Variants in SPEG observed in about 807,000 individuals in gnomAD.
SPEG encodes the protein striated muscle enriched protein kinase, also known as striated muscle preferentially expressed protein kinase.
Under a neutral mutation model 300.4 loss-of-function variants are expected in SPEG, and 114 were observed. The observed-to-expected ratio is 0.38, with a 90% CI of 0.33 to 0.44. SPEG has a LOEUF of 0.44. Ranked by LOEUF, SPEG falls within the 20% of genes least tolerant of loss-of-function variation. The pLI is 1.00. For synonymous variants in SPEG, 1,964 were observed against 2,018.9 expected (o/e 0.97, Z 0.73); for missense variants, 4,201 against 4,586.2 (o/e 0.92, Z 2.43).
rs182214983 is a variant in SPEG at position 219,485,845 on chromosome 2, C to T, written c.7741+368C>T. Among the ~76,000 whole-genome samples, 54 of 152,288 alleles carry T rather than the reference C, an allele frequency of 3.5e-4. No homozygotes were observed. The East Asian group carries it at 5.6e-3, about 16-fold the overall frequency. On this transcript the variant is annotated intron_variant, in intron 31 of 40. Transcript: ENST00000312358. ...ACCTTCTGCAGCCAGGTCCCTGAAA[C>T]GGCTTCAGGACACCACTTACGTCTG... is the stretch of plus-strand genomic sequence containing the variant.
rs1693211407 is a variant in SPEG at position 219,484,651 on chromosome 2, C to T, written c.7188C>T (p.Asp2396=). 4 of 1,534,040 alleles carry T rather than the reference C, an allele frequency of 2.6e-6. No homozygotes were observed. The highest frequency in any genetic ancestry group is 3.5e-6 in the Non-Finnish European group (4 of 1,145,698). The change falls in exon 30 of 41, where the codon GAC becomes GAT. Residue 2396 remains aspartate, a synonymous_variant. Transcript: ENST00000312358. The part of the protein sequence containing the change: ...RRPERSRSVQ[D]LRAVGEPGLV... ...CTGAGCGCTCACGCTCGGTGCAGGA[C>T]CTCAGGGCTGTCGGAGAGCCTGGCC...
Position 219,485,008 on chromosome 2 carries a change from C to G in SPEG, c.7545C>G (p.Ala2515=), listed in dbSNP as rs1693253436. Reference sequence around the variant, plus strand: ...CGCACAACCAGTTGGCCGCCCAGGCCGGCGCCACCACGCCTTCCGCCGAGT... The same window carrying G: ...CGCACAACCAGTTGGCCGCCCAGGCGGGCGCCACCACGCCTTCCGCCGAGT... ...GLPHNQLAAQ[A]GATTPSAESL... Residue 2515 remains alanine (A), a synonymous_variant, in exon 30 of 41, where the codon GCC becomes GCG. Coordinates refer to ENST00000312358, the MANE Select transcript of SPEG (RefSeq NM_005876.5). The G allele has an allele frequency of 6.5e-7, 1 of 1,531,574 alleles. No individual in the cohort carries two copies. The highest frequency in any genetic ancestry group is 2.5e-5 in the East Asian group (1 of 40,708). 94.9% of individuals were successfully genotyped at this position (1,531,574 alleles called of 1,614,324 possible).
intron 28 of SPEG, 73 bp from the exon 29 acceptor site, chr2:219,482,711 T>G: frequency 7.2e-7 from 1 of 1,392,690 alleles, no homozygotes; most frequent in Non-Finnish European, 1.0e-6. Context: ...CCATGGACTT[T>G]GTCTCTCTGT....
Position 219,473,721 on chromosome 2 carries a change from C to A in SPEG, c.4272-7C>A. The A allele has an allele frequency of 1.2e-6, 2 of 1,612,778 alleles. No individual in the cohort carries two copies. Among genetic ancestry groups the A allele is most frequent in the African/African-American group, 2.7e-5 (2 of 75,058 alleles). On this transcript the variant is annotated splice_polypyrimidine_tract_variant and splice_region_variant and intron_variant, in intron 17 of 40. Coordinates refer to ENST00000312358, the MANE Select transcript of SPEG (RefSeq NM_005876.5). The surrounding 1 kb of genome is among the most constrained non-coding windows in gnomAD (Gnocchi z 4.6). Reference sequence around the variant, plus strand: ...TCTGGGTGACCTCCCTGTCATGTGTCCCCTAGCTGCCGAGGGGCCCTCCTA... The same window carrying A: ...TCTGGGTGACCTCCCTGTCATGTGTACCCTAGCTGCCGAGGGGCCCTCCTA...
Position 219,477,214 on chromosome 2 carries a change from G to A in SPEG, c.4561-63G>A. On this transcript the variant is annotated intron_variant, in intron 19 of 40. Transcript: ENST00000312358. The surrounding 1 kb of genome is among the most constrained non-coding windows in gnomAD (Gnocchi z 6.4). ...ATGCGCTGCCCAGAGTAGGAGATGA[G>A]GCCCTGGCCCCAAGGTAGAGATGAG... 6.9e-7 allele frequency: 1 copy of A among 1,444,342 alleles called. No homozygotes were observed. The highest frequency in any genetic ancestry group is 1.3e-5 in the South Asian group (1 of 77,944). 89.5% of individuals were successfully genotyped at this position (1,444,342 alleles called of 1,614,324 possible).
Position 219,484,094 on chromosome 2 carries a change from G to T in SPEG, c.6631G>T (p.Ala2211Ser). 6.2e-7 allele frequency: 1 copy of T among 1,613,486 alleles called. No individual in the cohort carries two copies. Among genetic ancestry groups the T allele is most frequent in the Non-Finnish European group, 8.5e-7 (1 of 1,179,906 alleles). Reference protein sequence around the residue: ...DAPQPPAPQPAQDKAPEPRPE... With the variant: ...DAPQPPAPQPSQDKAPEPRPE... ...TCCGCAGCCCCCCGCACCCCAGCCTGCCCAAGACAAGGCTCCAGAGCCCAG... is the reference window on the plus strand; with the variant it reads ...TCCGCAGCCCCCCGCACCCCAGCCTTCCCAAGACAAGGCTCCAGAGCCCAG... The change falls in exon 30 of 41, where the codon GCC becomes TCC. Residue 2211 changes from alanine to serine, a missense_variant. Physicochemically the swap from Ala to Ser is moderately conservative, Grantham distance 99. Transcript: ENST00000312358.
Position 219,479,040 on chromosome 2 carries a change from T to A in SPEG, c.5028-104T>A. ...AGTCTCTGGCTAGTATCAAGCATTCTGTAAGGGGAAGGAGAACCCCGTGCT... is the reference window on the plus strand; with the variant it reads ...AGTCTCTGGCTAGTATCAAGCATTCAGTAAGGGGAAGGAGAACCCCGTGCT... On this transcript the variant is annotated intron_variant, in intron 22 of 40. Coordinates refer to ENST00000312358, the MANE Select transcript of SPEG (RefSeq NM_005876.5). This position sits in a 1 kb window ranked among gnomAD's most constrained non-coding sequence, Gnocchi z 5.5. The A allele has an allele frequency of 2.0e-6, 2 of 982,010 alleles. No individual in the cohort carries two copies. The highest frequency in any genetic ancestry group is 2.7e-5 in the South Asian group (2 of 74,320). The allele number at this position is 982,010 out of a possible 1,614,324, so 60.8% of individuals were successfully genotyped here. A position where few individuals can be genotyped will look rare whatever the true frequency, so the allele number is the denominator to read the frequency against.
chr2:219,473,395 C>A lies in SPEG; in HGVS notation c.4148-109C>A. Reference sequence around the variant, plus strand: ...TAAACCTCTCTGAGCTTCAGCTTTCCCATCTGTAAAAACGGAACTCAAGTG... The same window carrying A: ...TAAACCTCTCTGAGCTTCAGCTTTCACATCTGTAAAAACGGAACTCAAGTG... On this transcript the variant is annotated intron_variant, in intron 16 of 40. Coordinates refer to ENST00000312358, the MANE Select transcript of SPEG (RefSeq NM_005876.5). This position sits in a 1 kb window ranked among gnomAD's most constrained non-coding sequence, Gnocchi z 4.6. The A allele has an allele frequency of 9.0e-7, 1 of 1,108,550 alleles. No homozygotes were observed. Among genetic ancestry groups the A allele is most frequent in the East Asian group, 2.4e-5 (1 of 41,636 alleles). 68.7% of individuals were successfully genotyped at this position (1,108,550 alleles called of 1,614,324 possible).
Position 219,473,461 on chromosome 2 carries a change from T to C in SPEG, c.4148-43T>C, listed in dbSNP as rs1250740737. ...AGAGGAGTGGTGGGTGCTGAGGACC[T>C]GATGTCAAGCCCAGCACAGAGCCTG... is the stretch of plus-strand genomic sequence containing the variant. On this transcript the variant is annotated intron_variant, in intron 16 of 40. Coordinates refer to ENST00000312358, the MANE Select transcript of SPEG (RefSeq NM_005876.5). The surrounding 1 kb of genome is among the most constrained non-coding windows in gnomAD (Gnocchi z 4.6). 4 of 1,597,454 alleles carry C rather than the reference T, an allele frequency of 2.5e-6. No homozygotes were observed. In the African/African-American group the frequency reaches 4.0e-5, roughly 16 times the overall value.
At chr2:219,441,657 C>T in intron 1 of SPEG, 3 of 456,096 alleles carry the variant, frequency 6.6e-6, no homozygotes, top group South Asian at 1.6e-5. Context: ...GGCCATTGCA[C>T]CCCTTTCTGT....
At chr2:219,463,726 T>C (rs1249598524) in intron 8 of SPEG, among the ~76,000 whole-genome samples, 1 of 152,026 alleles carries the variant, frequency 6.6e-6, no homozygotes, top group Non-Finnish European at 1.5e-5. Context: ...TTTTTTTTTT[T>C]AACATTGTAA....
intron 6 of SPEG, among the ~76,000 whole-genome samples, chr2:219,454,574 G>A (rs1017501681): frequency 6.6e-6 from 1 of 152,170 alleles, no homozygotes; most frequent in Admixed American, 6.5e-5. Flanking sequence ...ATAACATTGT[G>A]CCATACATAT....
intron 6 of SPEG, among the ~76,000 whole-genome samples, chr2:219,452,163 C>A (rs867563951): frequency 6.6e-6 from 1 of 152,174 alleles, no homozygotes; most frequent in Non-Finnish European, 1.5e-5. Flanking sequence ...AGAATCTCTC[C>A]GCTCACAGGG....
At position 219,445,114 on chromosome 2, in the gene SPEG, C is replaced by T. The variant is rs760507292; in HGVS notation, c.768C>T (p.Tyr256=). The change falls in exon 3 of 41, where the codon TAC becomes TAT. Residue 256 remains tyrosine, a synonymous_variant. Coordinates refer to ENST00000312358, the MANE Select transcript of SPEG (RefSeq NM_005876.5). The surrounding 1 kb of genome is among the most constrained non-coding windows in gnomAD (Gnocchi z 6.1). ...GCCTTTCCGTGGCCAGTGACCTGTA[C>T]GGCAGCGCATTCAGCCTGTACAGAG... ...EDSLSVASDL[Y]GSAFSLYRGR... The T allele has an allele frequency of 3.1e-5, 49 of 1,596,134 alleles. No homozygotes were observed. The highest frequency in any genetic ancestry group is 2.2e-4 in the Admixed American group (13 of 57,778).
At chr2:219,467,701 A>G (rs1471955181) in intron 10 of SPEG, among the ~76,000 whole-genome samples, 1 of 152,266 alleles carries the variant, frequency 6.6e-6, no homozygotes, top group African/African-American at 2.4e-5. Context: ...CCTGCCCTGC[A>G]AGTCACCAGC....
chr2:219,484,250 C>CA lies in SPEG; in HGVS notation c.6788dup (p.Ala2266CysfsTer57). 1 of 1,610,662 alleles carries CA rather than the reference C, an allele frequency of 6.2e-7. No individual in the cohort carries two copies. The highest frequency in any genetic ancestry group is 8.5e-7 in the Non-Finnish European group (1 of 1,179,664). On this transcript the variant is annotated frameshift_variant, in exon 30 of 41. Coordinates refer to ENST00000312358, the MANE Select transcript of SPEG (RefSeq NM_005876.5). LOFTEE classifies it high-confidence loss of function. The stretch of plus-strand genomic sequence containing the variant: ...GTCAGGCCACGCCCAGGGCCCCTCG[C>CA]AGGGCCCTGCCGCGCCGCCTTCAGA...
In SPEG at chr2:219,472,298, T is replaced by C. The variant is rs753649016; in HGVS notation, c.3907T>C (p.Trp1303Arg). ...AVTGRMVTLT[W>R]NPPRSLDMAI... ...GACGGGGAGGATGGTCACACTCACA[T>C]GGAACCCCCCCAGGAGTCTGGACAT... Residue 1303 changes from tryptophan (W) to arginine (R), a missense_variant, in exon 15 of 41, where the codon TGG (tryptophan) becomes CGG (arginine). Physicochemically the swap from Trp to Arg is moderately radical, Grantham distance 101 (BLOSUM62 -3). Coordinates refer to ENST00000312358, the MANE Select transcript of SPEG (RefSeq NM_005876.5). 1.2e-6 allele frequency: 2 copies of C among 1,613,730 alleles called. No individual in the cohort carries two copies. The highest frequency in any genetic ancestry group is 2.2e-5 in the South Asian group (2 of 91,082).
In SPEG at chr2:219,435,041, G is replaced by A. The variant is rs1954676416; in HGVS notation, c.64G>A (p.Val22Met). The change falls in exon 1 of 41, where the codon GTG (valine) becomes ATG (methionine). Residue 22 changes from valine to methionine, a missense_variant. Around this residue, in one of 4 missense-constraint regions of SPEG, gnomAD observed 1,258 missense variants for 1,293.9 expected, o/e 0.97. Transcript: ENST00000312358. ...CACGAGGGCACCCCCCAGCCCCGGA[G>A]TGCCCCCGAAAAGGGCCAAGGTGGG... ...AGTRAPPSPGVPPKRAKVGAG... is the reference protein window; with the variant it reads ...AGTRAPPSPGMPPKRAKVGAG... 4.7e-6 allele frequency: 7 copies of A among 1,494,474 alleles called. No individual in the cohort carries two copies. The highest frequency in any genetic ancestry group is 2.2e-5 in the Admixed American group (1 of 45,898). 92.6% of individuals were successfully genotyped at this position (1,494,474 alleles called of 1,614,324 possible).
Position 219,469,336 on chromosome 2 carries a change from T to C in SPEG, c.3672T>C (p.Asn1224=), listed in dbSNP as rs771836347. 1.9e-6 allele frequency: 3 copies of C among 1,613,856 alleles called. No individual in the cohort carries two copies. Among genetic ancestry groups the C allele is most frequent in the South Asian group, 2.2e-5 (2 of 91,078 alleles). ...LPYPTISWFH[N]GHRIQSSDDR... The stretch of plus-strand genomic sequence containing the variant: ...ACCCCACCATCAGCTGGTTCCACAA[T>C]GGCCACCGCATCCAGAGCAGCGACG... The change falls in exon 13 of 41, where the codon AAT becomes AAC. Residue 1224 remains asparagine (N), a synonymous_variant. Transcript: ENST00000312358.
Sources: gnomAD v4.1 joint callset for allele counts (sites outside exome capture counted in the v4.1 genomes callset) on GRCh38, gnomAD v4.1.1 for gene constraint, gnomAD v4.1.1 regional missense constraint, Gnocchi (gnomAD v3.1) non-coding constraint, MANE v1.5 for transcripts, NCBI Gene and HGNC (gene_info 2026-07-23, HGNC 2026-07-21) for gene names.